The following RANBP9 variants were observed in gnomAD, a reference collection of about 807,000 sequenced individuals.
The protein encoded by RANBP9 is RAN binding protein 9.
RANBP9 carries 15 observed loss-of-function variants against 84.3 expected under a neutral mutation model. The observed-to-expected ratio is 0.18, with a 90% confidence interval of 0.12 to 0.27. RANBP9 has a LOEUF of 0.27. RANBP9 is among the 10% of genes least tolerant of loss of function. The pLI, the probability that RANBP9 is intolerant of heterozygous loss-of-function variation, is 1.00. For missense variants in RANBP9, 809 were observed against 912.8 expected (o/e 0.89, Z 1.46); for synonymous variants, 392 against 349.6 (o/e 1.12, Z -1.35).
At chr6:13,656,089 C>T (rs1189357023) in intron 4 of RANBP9, among the ~76,000 whole-genome samples, 1 of 152,144 alleles carries the variant, frequency 6.6e-6, no homozygotes, top group African/African-American at 2.4e-5. Flanking sequence ...TATTGAAACA[C>T]TCTTAAAAGA....
intron 7 of RANBP9, among the ~76,000 whole-genome samples, chr6:13,641,706 C>T (rs368531006): frequency 1.2e-3 from 185 of 152,182 alleles, no homozygotes; most frequent in African/African-American, 4.2e-3. Context: ...AACAGAGACT[C>T]GTTGAGCATT....
chr6:13,694,053 C>A (rs1318852775), intron 2 of RANBP9, among the ~76,000 whole-genome samples: 8 of 152,018 alleles, frequency 5.3e-5, no homozygotes, highest in African/African-American at 1.7e-4. Flanking sequence ...AGGAAAAAAA[C>A]AAAAACAAAC....
At chr6:13,673,901 G>A (rs1765829375) in intron 2 of RANBP9, among the ~76,000 whole-genome samples, 1 of 151,902 alleles carries the variant, frequency 6.6e-6, no homozygotes, top group Admixed American at 6.6e-5. Flanking sequence ...TGGCCTACAT[G>A]GCAAAATCCC....
chr6:13,710,811 G>C (rs1561701155), intron 1 of RANBP9, 124 bp downstream of exon 1: 3 of 1,047,126 alleles, frequency 2.9e-6, no homozygotes, highest in Non-Finnish European at 4.0e-6. Context: ...ACAACAGGCG[G>C]CGAGTGGCCT....
rs531940832 is a variant in RANBP9, at chr6:13,643,086, T to C, written c.1113-495A>G. Among the ~76,000 whole-genome samples the C allele has an allele frequency of 5.3e-5, 8 of 152,334 alleles. No individual in the cohort carries two copies. In the East Asian group the frequency reaches 1.5e-3, roughly 29 times the overall value. On this transcript the variant is annotated intron_variant, in intron 6 of 13. Coordinates refer to ENST00000011619, the MANE Select transcript of RANBP9 (RefSeq NM_005493.3). ...TTAAATGAAGTGGGATCACAAAGTA[T>C]GTACAGAATACTAAGGTGAATCCAG...
At chr6:13,707,844 A>G (rs1758166805) in intron 1 of RANBP9, among the ~76,000 whole-genome samples, 1 of 152,250 alleles carries the variant, frequency 6.6e-6, no homozygotes, top group Admixed American at 6.5e-5. Flanking sequence ...TCCCGTTATC[A>G]TTATAACTAA....
At chr6:13,634,869 C>CGTCTT (rs1764897572) in intron 10 of RANBP9, among the ~76,000 whole-genome samples, 1 of 151,892 alleles carries the variant, frequency 6.6e-6, no homozygotes, top group Admixed American at 6.5e-5. Context: ...CAGATCTGTA[C>CGTCTT]GTCTTCGTTA....
chr6:13,710,897 C>A, intron 1 of RANBP9, 38 bp downstream of exon 1: 1 of 1,555,206 alleles, frequency 6.4e-7, no homozygotes, highest in South Asian at 1.2e-5. Context: ...CACGTCGGGT[C>A]AGTGCCCCAC....
At chr6:13,632,966 A>AT (rs1764834384) in intron 11 of RANBP9, among the ~76,000 whole-genome samples, 1 of 152,154 alleles carries the variant, frequency 6.6e-6, no homozygotes, top group Non-Finnish European at 1.5e-5. Flanking sequence ...AAAAATACAG[A>AT]AGACAGCATA....
intron 2 of RANBP9, among the ~76,000 whole-genome samples, chr6:13,689,924 C>T (rs1342673287): frequency 1.3e-5 from 2 of 152,144 alleles, no homozygotes; most frequent in Non-Finnish European, 2.9e-5. Flanking sequence ...CATATACCAA[C>T]AGTTTGGTCA....
chr6:13,639,995 C>T lies in RANBP9; in HGVS notation c.1335-242G>A, dbSNP rs145224206. Among the ~76,000 whole-genome samples, 205 of 152,150 alleles carry T rather than the reference C, an allele frequency of 1.3e-3. 2 individuals carry two copies. Among genetic ancestry groups the T allele is most frequent in the African/African-American group, 4.8e-3 (198 of 41,506 alleles). ...TATTACCCCCTTTAATCAGGATTTA[C>T]CAAATGGAAATTTACCTATAAGAAG... On this transcript the variant is annotated intron_variant, in intron 8 of 13. Transcript: ENST00000011619.
At chr6:13,625,509 C>G (rs1005847040) in intron 13 of RANBP9, 144 bp downstream of exon 13, 6 of 474,108 alleles carry the variant, frequency 1.3e-5, no homozygotes, top group East Asian at 9.9e-5. Context: ...GAGGGGGTTT[C>G]TATATTTTAG....
At chr6:13,709,431 T>A (rs1279370449) in intron 1 of RANBP9, among the ~76,000 whole-genome samples, 2 of 152,356 alleles carry the variant, frequency 1.3e-5, no homozygotes, top group African/African-American at 4.8e-5. Flanking sequence ...ACCATAAATT[T>A]AAAATTATAA....
chr6:13,704,906 C>A (rs1044595828), intron 1 of RANBP9, among the ~76,000 whole-genome samples: 1 of 152,192 alleles, frequency 6.6e-6, no homozygotes, highest in African/African-American at 2.4e-5. Flanking sequence ...GTTATACGCT[C>A]CTCCTATTTT....
At position 13,622,638 on chromosome 6, in the gene RANBP9, A is replaced by G. The variant is rs1000734236; in HGVS notation, c.2060-146T>C. On this transcript the variant is annotated intron_variant, in intron 13 of 13. Transcript: ENST00000011619. ...CAGCAAATGAAGGTTTCTAAGCAAAAGACAGATGCCGCCTTGGACATACTA... is the reference window on the plus strand; with the variant it reads ...CAGCAAATGAAGGTTTCTAAGCAAAGGACAGATGCCGCCTTGGACATACTA... The G allele has an allele frequency of 4.0e-5, 34 of 840,590 alleles. No homozygotes were observed. In the East Asian group the frequency reaches 8.0e-4, roughly 20 times the overall value. 52.1% of individuals were successfully genotyped at this position (840,590 alleles called of 1,614,324 possible).
chr6:13,639,127 T>C (rs1231297613), intron 9 of RANBP9, among the ~76,000 whole-genome samples: 2 of 152,148 alleles, frequency 1.3e-5, no homozygotes, highest in African/African-American at 4.8e-5. Context: ...CCTACAATTT[T>C]TCACCCAGAA....
At chr6:13,707,795 T>G (rs1758165284) in intron 1 of RANBP9, among the ~76,000 whole-genome samples, 1 of 152,066 alleles carries the variant, frequency 6.6e-6, no homozygotes, top group Non-Finnish European at 1.5e-5. Context: ...TGTTGAAACA[T>G]TTAAACTAAG....
chr6:13,648,298 C>T (rs915478715), intron 5 of RANBP9, among the ~76,000 whole-genome samples: 1 of 151,926 alleles, frequency 6.6e-6, no homozygotes, highest in Non-Finnish European at 1.5e-5. Context: ...CAGCCACATG[C>T]CACCACTCCT....
chr6:13,708,933 T>C (rs568191578), intron 1 of RANBP9, among the ~76,000 whole-genome samples: 47 of 151,952 alleles, frequency 3.1e-4, no homozygotes, highest in African/African-American at 1.0e-3. Flanking sequence ...AAAGGAAAGA[T>C]AGAAGAGAGG....
Sources: allele counts gnomAD v4.1 joint callset (sites outside exome capture counted in the v4.1 genomes callset), GRCh38; gene constraint gnomAD v4.1.1; transcripts MANE v1.5; gene names NCBI Gene and HGNC (gene_info 2026-07-23, HGNC 2026-07-21).